ZNF69: variants seen among roughly 807,000 people sequenced by gnomAD.
The protein encoded by ZNF69 is zinc finger protein 69, also known as ZNF3.
ZNF69 carries 47 observed loss-of-function variants against 50.9 expected under a neutral mutation model. The ratio of observed to expected loss-of-function variants is 0.92; its 90% CI spans 0.73 to 1.18. ZNF69 has a LOEUF of 1.18. ZNF69 is among the 50% of genes most tolerant of loss of function. The pLI is 0.00. For synonymous variants in ZNF69, 216 were observed against 223.1 expected, an observed-to-expected ratio of 0.97 and a Z score of 0.29; for missense variants, 717 against 675.1, an observed-to-expected ratio of 1.06 and a Z score of -0.69.
chr19:11,914,207 T>C (rs1050703900), exon 5 of ZNF69: 1 of 152,126 alleles, frequency 6.6e-6, no homozygotes, highest in Admixed American at 6.5e-5. Context: ...TCCTAGCTAT[T>C]CAGGAGGCTG....
chr19:11,966,487 C>T, the ZNF69 span, among the ~76,000 whole-genome samples: 1 of 152,194 alleles, frequency 6.6e-6, no homozygotes, highest in Admixed American at 6.5e-5. Context: ...AATTCTCCTG[C>T]CTCAGCTTCC....
the ZNF69 span, among the ~76,000 whole-genome samples, chr19:11,958,723 G>A: frequency 1.3e-5 from 2 of 152,178 alleles, no homozygotes; most frequent in Non-Finnish European, 2.9e-5. Context: ...CCTAAGCTTG[G>A]GAATGTGTAA....
chr19:11,936,421 C>CA, the ZNF69 span, among the ~76,000 whole-genome samples: 1 of 152,190 alleles, frequency 6.6e-6, no homozygotes, highest in African/African-American at 2.4e-5. Context: ...TTTTGATTTG[C>CA]ATTTCTCTGA....
At chr19:11,910,512 T>A (rs1477927258), downstream of ZNF69, among the ~76,000 whole-genome samples, 13 of 152,038 alleles carry the variant, frequency 8.6e-5, no homozygotes, top group Non-Finnish European at 1.5e-5. Context: ...TCAGAAATAA[T>A]ACCACACATC....
the ZNF69 span, among the ~76,000 whole-genome samples, chr19:11,919,760 T>C: frequency 6.6e-6 from 1 of 152,054 alleles, no homozygotes; most frequent in Admixed American, 6.6e-5. Flanking sequence ...CAAGAAGTCA[T>C]CTAGCTGCAA....
At chr19:11,913,756 C>T (rs1467846968) in exon 5 of ZNF69, 1 of 172,656 alleles carries the variant, frequency 5.8e-6, no homozygotes, top group Non-Finnish European at 1.2e-5. Context: ...TGCCTTCTTC[C>T]CAAAAGCCAG....
the ZNF69 span, chr19:11,948,906 T>C: frequency 6.2e-7 from 1 of 1,605,782 alleles, no homozygotes; most frequent in South Asian, 1.1e-5. Context: ...GTTCCTATCA[T>C]AGACATGAAA....
chr19:11,967,305 C>A, the ZNF69 span, among the ~76,000 whole-genome samples: 1 of 152,098 alleles, frequency 6.6e-6, no homozygotes, highest in Non-Finnish European at 1.5e-5. Flanking sequence ...CCACTGCACT[C>A]CAGTGTGGGT....
At chr19:11,961,979 T>A in the ZNF69 span, among the ~76,000 whole-genome samples, 3 of 151,966 alleles carry the variant, frequency 2.0e-5, no homozygotes, top group South Asian at 2.1e-4. Flanking sequence ...TTTTCTTTTT[T>A]AAATAAAAAT....
the ZNF69 span, among the ~76,000 whole-genome samples, chr19:11,941,180 A>C: frequency 6.6e-6 from 1 of 152,238 alleles, no homozygotes; most frequent in Non-Finnish European, 1.5e-5. Context: ...TCCCTGGGCT[A>C]GACATAAAGT....
intron 4 of ZNF69, among the ~76,000 whole-genome samples, chr19:11,912,726 A>T (rs1487263079): frequency 6.6e-6 from 1 of 152,074 alleles, no homozygotes; most frequent in Admixed American, 6.6e-5. Flanking sequence ...AAGCCTTCAG[A>T]TCAGCCTCAC....
the ZNF69 span, among the ~76,000 whole-genome samples, chr19:11,954,214 TG>T: frequency 6.6e-6 from 1 of 152,204 alleles, no homozygotes; most frequent in Non-Finnish European, 1.5e-5. Context: ...AATGCAGATG[TG>T]GCATGGCCAA....
chr19:11,891,866 T>C (rs1446476325), intron 1 of ZNF69, among the ~76,000 whole-genome samples: 1 of 152,192 alleles, frequency 6.6e-6, no homozygotes, highest in East Asian at 1.9e-4. Context: ...TAAATTGGTG[T>C]TTCTCTGGCT....
downstream of ZNF69, among the ~76,000 whole-genome samples, chr19:11,909,180 A>G (rs1972421993): frequency 2.0e-5 from 3 of 152,226 alleles, 1 homozygote; most frequent in South Asian, 6.2e-4. Context: ...GCAATAATTA[A>G]TAGACTACCA....
the ZNF69 span, chr19:11,949,371 G>A: frequency 6.2e-7 from 1 of 1,613,586 alleles, no homozygotes; most frequent in Non-Finnish European, 8.5e-7. Flanking sequence ...ATGAATGTAA[G>A]GAATGTGGGA....
the ZNF69 span, chr19:11,948,128 A>G: frequency 2.2e-6 from 2 of 904,424 alleles, no homozygotes; most frequent in Non-Finnish European, 3.3e-6. Context: ...ATCTTGTAGA[A>G]CATGTCCAGT....
At chr19:11,926,370 G>A in the ZNF69 span, among the ~76,000 whole-genome samples, 1 of 152,062 alleles carries the variant, frequency 6.6e-6, no homozygotes, top group Non-Finnish European at 1.5e-5. Flanking sequence ...GCCAAGAGCC[G>A]GTCACTTCAC....
At chr19:11,952,404 TTGTC>T in the ZNF69 span, among the ~76,000 whole-genome samples, 4 of 152,230 alleles carry the variant, frequency 2.6e-5, no homozygotes, top group Admixed American at 2.0e-4. Flanking sequence ...GTTGTGTAAA[TTGTC>T]TGAATACAAG....
the ZNF69 span, among the ~76,000 whole-genome samples, chr19:11,939,409 G>T: frequency 7.9e-5 from 12 of 152,128 alleles, no homozygotes; most frequent in Non-Finnish European, 1.6e-4. Flanking sequence ...TGTATAAGGC[G>T]TAAGGAAGGG....
Sources: allele counts gnomAD v4.1 joint callset (sites outside exome capture counted in the v4.1 genomes callset), GRCh38; gene constraint gnomAD v4.1.1; transcripts MANE v1.5; gene names NCBI Gene and HGNC (gene_info 2026-07-23, HGNC 2026-07-21).